NEB: variants seen among roughly 807,000 people sequenced by gnomAD.
NEB encodes the protein nebulin, also known as nemaline myopathy type 2.
NEB carries 512 observed loss-of-function variants against 952.2 expected under a neutral mutation model. The ratio of observed to expected loss-of-function variants is 0.54; its 90% confidence interval spans 0.50 to 0.58. The LOEUF is 0.58. Among genes scored for constraint, NEB ranks in the 20% least tolerant of loss-of-function variants. The pLI is 0.00. For synonymous variants in NEB, 2,900 were observed against 3,149.8 expected (o/e 0.92, Z 2.66); for missense variants, 8,428 against 9,231.1 (o/e 0.91, Z 3.56).
At chr2:151,549,382 C>T (rs931463023) in intron 130 of NEB, among the ~76,000 whole-genome samples, 9 of 152,160 alleles carry the variant, frequency 5.9e-5, no homozygotes, top group African/African-American at 2.2e-4. Context: ...ATCATGACAG[C>T]CATGGGCCCT....
Position 151,659,061 on chromosome 2 carries a change from T to A in NEB, c.6075+4A>T, listed in dbSNP as rs2099117811. On this transcript the variant is annotated splice_donor_region_variant and intron_variant, in intron 47 of 181. Transcript: ENST00000397345. ...AAGATGACAACAGGGGGAACTATACTTACATCACTCATATTAATTGCATTT... is the reference window on the plus strand; with the variant it reads ...AAGATGACAACAGGGGGAACTATACATACATCACTCATATTAATTGCATTT... The A allele has an allele frequency of 6.4e-7, 1 of 1,565,778 alleles. No homozygotes were observed. The highest frequency in any genetic ancestry group is 1.4e-5 in the African/African-American group (1 of 73,846).
At chr2:151,645,676 T>C (rs2098947855) in intron 55 of NEB, among the ~76,000 whole-genome samples, 2 of 152,248 alleles carry the variant, frequency 1.3e-5, no homozygotes, top group Non-Finnish European at 2.9e-5. Context: ...AATTTTCAGA[T>C]GTATACATTT....
rs1319731446 is a variant in NEB, at chr2:151,560,471, G to A, written c.19314+121C>T. 3 of 752,670 alleles carry A rather than the reference G, an allele frequency of 4.0e-6. No homozygotes were observed. In the East Asian group the frequency reaches 8.3e-5, roughly 21 times the overall value. The allele number at this position is 752,670 out of a possible 1,614,324, so 46.6% of individuals were successfully genotyped here. On this transcript the variant is annotated intron_variant, in intron 124 of 181. Transcript: ENST00000397345. ...GCATTTGGAATTATTTCCTGGACAT[G>A]CCCACGGGAGTGCTAGGGGTACTTC...
chr2:151,647,439 A>G (rs1248133773), intron 54 of NEB, among the ~76,000 whole-genome samples: 1 of 152,162 alleles, frequency 6.6e-6, no homozygotes, highest in African/African-American at 2.4e-5. Flanking sequence ...TAAAAACAGA[A>G]TATTTACACA....
chr2:151,537,187 G>T lies in NEB; in HGVS notation c.21152C>A (p.Ala7051Asp), dbSNP rs1446881312. 6 of 1,613,020 alleles carry T rather than the reference G, an allele frequency of 3.7e-6. No individual in the cohort carries two copies. The South Asian group carries it at 6.6e-5, about 18-fold the overall frequency. The change falls in exon 141 of 182, where the codon GCC becomes GAC. Residue 7051 changes from alanine to aspartate, a missense_variant. Physicochemically the swap from Ala to Asp is moderately radical, Grantham distance 126. Transcript: ENST00000397345. ...LTWLKGIGCY[A>D]YDTPDFTLAE... ...CAGAGTGAAATCAGGGGTATCATAG[G>T]CATAGCAACCAATGCCTTTAAGCCA...
Position 151,666,197 on chromosome 2 carries a change from C to A in NEB, c.4924G>T (p.Glu1642Ter). The A allele has an allele frequency of 6.2e-7, 1 of 1,613,948 alleles. No homozygotes were observed. The highest frequency in any genetic ancestry group is 8.5e-7 in the Non-Finnish European group (1 of 1,179,854). ...VSVTAAKKSQ[E>*]VATNANYRQS... The stretch of plus-strand genomic sequence containing the variant: ...CTGTAGTTGGCGTTGGTGGCAACCT[C>A]CTGAGATTTCTTTGCAGCTGTCACA... The change falls in exon 41 of 182, where the codon GAG (glutamate) becomes TAG (stop). Residue 1642 changes from glutamate to a stop codon, truncating the protein, a stop_gained. Coordinates refer to ENST00000397345, the MANE Select transcript of NEB (RefSeq NM_001164508.2). LOFTEE classifies it high-confidence loss of function.
intron 46 of NEB, among the ~76,000 whole-genome samples, chr2:151,661,105 T>C (rs900377797): frequency 6.6e-6 from 1 of 152,162 alleles, no homozygotes; most frequent in African/African-American, 2.4e-5. Context: ...TGGGCTGTTC[T>C]TTTCTCAACT....
At chr2:151,520,007 A>G (rs934368372) in intron 153 of NEB, 3 of 320,774 alleles carry the variant, frequency 9.4e-6, no homozygotes, top group African/African-American at 4.3e-5. Flanking sequence ...ATTCCAAGGT[A>G]TAAAAAGTAA....
At chr2:151,730,123 A>G (rs190078692) in intron 3 of NEB, among the ~76,000 whole-genome samples, 341 of 152,310 alleles carry the variant, frequency 2.2e-3, no homozygotes, top group South Asian at 9.5e-3. Flanking sequence ...GGATTGCATC[A>G]TGGAAATAAT....
Position 151,643,003 on chromosome 2 carries a change from C to A in NEB, c.8161-134G>T, listed in dbSNP as rs113019668. On this transcript the variant is annotated intron_variant, in intron 58 of 181. Transcript: ENST00000397345. ...TTGTGACATTTTCAGGTCTAAATGT[C>A]TTGTGTCAATAAGAAGCACAATACT... The A allele has an allele frequency of 2.3e-5, 26 of 1,145,804 alleles. No individual in the cohort carries two copies. The African/African-American group carries it at 3.1e-4, about 14-fold the overall frequency. 71.0% of individuals were successfully genotyped at this position (1,145,804 alleles called of 1,614,324 possible).
intron 30 of NEB, among the ~76,000 whole-genome samples, chr2:151,680,334 C>G (rs895978545): frequency 1.3e-4 from 20 of 150,480 alleles, no homozygotes; most frequent in African/African-American, 4.9e-4. Flanking sequence ...ATTTTGTGGG[C>G]AATTAAAAGG....
rs2064466448 is a variant in NEB at position 151,501,444 on chromosome 2, G to GT, written c.23967dup (p.Pro7990ThrfsTer5). 6.5e-7 allele frequency: 1 copy of GT among 1,541,728 alleles called. No individual in the cohort carries two copies. The highest frequency in any genetic ancestry group is 2.4e-5 in the East Asian group (1 of 40,884). On this transcript the variant is annotated frameshift_variant, in exon 168 of 182. Coordinates refer to ENST00000397345, the MANE Select transcript of NEB (RefSeq NM_001164508.2). LOFTEE classifies it high-confidence loss of function. Reference sequence around the variant, plus strand: ...ACTCGCTCCATCTCAGGAGTGACAGGTAGGGGAGTCCCCTTGCTCAAGTTC... The same window carrying GT: ...ACTCGCTCCATCTCAGGAGTGACAGGTTAGGGGAGTCCCCTTGCTCAAGTTC...
intron 29 of NEB, among the ~76,000 whole-genome samples, chr2:151,681,070 A>G (rs1301997593): frequency 6.6e-6 from 1 of 152,226 alleles, no homozygotes; most frequent in Non-Finnish European, 1.5e-5. Context: ...GGAACCAGAC[A>G]GACTCCTTTC....
In NEB at chr2:151,631,336, T is replaced by G. The variant is rs771774138; in HGVS notation, c.9425A>C (p.Lys3142Thr). The G allele has an allele frequency of 1.2e-6, 2 of 1,613,332 alleles. No individual in the cohort carries two copies. Among genetic ancestry groups the G allele is most frequent in the African/African-American group, 2.7e-5 (2 of 75,040 alleles). The change falls in exon 66 of 182, where the codon AAG (lysine) becomes ACG (threonine). Residue 3142 changes from lysine (K) to threonine (T), a missense_variant. Around this residue, in one of 11 missense-constraint regions of NEB, gnomAD observed 1,772 missense variants for 1,960.3 expected, o/e 0.90. Transcript: ENST00000397345. ...AYDLQSDNIYKSDLQWLRGIG... is the reference protein window; with the variant it reads ...AYDLQSDNIYTSDLQWLRGIG... ...GCCTCTCAGCCACTGGAGATCTGAC[T>G]TGTAAATATTCTGAGCAGAGGAAAA... is the stretch of plus-strand genomic sequence containing the variant.
chr2:151,520,953 T>G (rs2081554032), intron 153 of NEB, among the ~76,000 whole-genome samples: 1 of 152,212 alleles, frequency 6.6e-6, no homozygotes. Flanking sequence ...AAACTGATGC[T>G]TTTGTCAACA....
At chr2:151,544,018 T>G (rs186558962) in intron 135 of NEB, among the ~76,000 whole-genome samples, 1 of 152,160 alleles carries the variant, frequency 6.6e-6, no homozygotes, top group Non-Finnish European at 1.5e-5. Flanking sequence ...CCTCCCCCGC[T>G]CTCCATGGTT....
Position 151,568,060 on chromosome 2 carries a change from G to C in NEB, c.17844+11C>G. 1 of 1,607,358 alleles carries C rather than the reference G, an allele frequency of 6.2e-7. No individual in the cohort carries two copies. Among genetic ancestry groups the C allele is most frequent in the East Asian group, 2.2e-5 (1 of 44,746 alleles). On this transcript the variant is annotated intron_variant, in intron 113 of 181. Coordinates refer to ENST00000397345, the MANE Select transcript of NEB (RefSeq NM_001164508.2). The stretch of plus-strand genomic sequence containing the variant: ...ACTTTTGCAAAATGCACTCCCATCA[G>C]GATGTATTACCTCACTCTGAACGTC...
chr2:151,535,383 C>A (rs1171363838), intron 142 of NEB, among the ~76,000 whole-genome samples: 2 of 152,182 alleles, frequency 1.3e-5, no homozygotes, highest in East Asian at 3.9e-4. Context: ...GTTCCGCTGA[C>A]AGTCAAGAAA....
intron 161 of NEB, among the ~76,000 whole-genome samples, chr2:151,511,807 G>A (rs1369888322): frequency 1.3e-5 from 2 of 152,140 alleles, no homozygotes; most frequent in East Asian, 3.8e-4. Context: ...AGACTGTGTG[G>A]TCTCAATCTC....
Sources: gnomAD v4.1 joint callset for allele counts (sites outside exome capture counted in the v4.1 genomes callset) on GRCh38, gnomAD v4.1.1 for gene constraint, gnomAD v4.1.1 regional missense constraint, MANE v1.5 for transcripts, NCBI Gene and HGNC (gene_info 2026-07-23, HGNC 2026-07-21) for gene names.